The following JPH3 variants were observed in gnomAD, a reference collection of about 807,000 sequenced individuals.
JPH3 encodes the protein junctophilin-3.
Under a neutral mutation model 59.6 loss-of-function variants are expected in JPH3, and 11 were observed. The ratio of observed to expected loss-of-function variants is 0.18; its 90% CI spans 0.12 to 0.31. The LOEUF is 0.31. Among genes scored for constraint, JPH3 ranks in the 10% least tolerant of loss-of-function variants. The pLI, the probability that JPH3 is intolerant of heterozygous loss-of-function variation, is 1.00. For synonymous variants in JPH3, 673 were observed against 483.6 expected (o/e 1.39, Z -5.14); for missense variants, 1,202 against 1,105.7 (o/e 1.09, Z -1.24).
At chr16:87,689,621 G>C (rs748389018) in intron 3 of JPH3, 25 bp from the exon 4 acceptor site, 2 of 1,606,836 alleles carry the variant, frequency 1.2e-6, no homozygotes, top group African/African-American at 2.7e-5. Context: ...AACGCCGTCT[G>C]GCGTCGTCTT....
intron 2 of JPH3, among the ~76,000 whole-genome samples, chr16:87,681,627 G>T (rs1029212266): frequency 7.5e-5 from 11 of 147,242 alleles, no homozygotes; most frequent in Non-Finnish European, 1.3e-4. Flanking sequence ...GGTCAGGTGC[G>T]CGCGGTCGTG....
intron 2 of JPH3, among the ~76,000 whole-genome samples, chr16:87,649,950 G>T (rs1023281450): frequency 6.6e-6 from 1 of 152,232 alleles, no homozygotes; most frequent in African/African-American, 2.4e-5. Flanking sequence ...GCTGCGTCTC[G>T]TGCAAACGTT....
intron 1 of JPH3, chr16:87,604,324 C>T: frequency 6.8e-7 from 1 of 1,465,998 alleles, no homozygotes; most frequent in South Asian, 1.2e-5. Context: ...GCTGCTGCTG[C>T]TGCTGTAAGA....
At chr16:87,606,049 G>C (rs1405803366) in intron 1 of JPH3, among the ~76,000 whole-genome samples, 1 of 152,212 alleles carries the variant, frequency 6.6e-6, no homozygotes, top group East Asian at 1.9e-4. Context: ...TGTTGGGAAG[G>C]GGGTGATTAT....
At chr16:87,616,695 A>T (rs2030983812) in intron 1 of JPH3, among the ~76,000 whole-genome samples, 1 of 152,134 alleles carries the variant, frequency 6.6e-6, no homozygotes, top group African/African-American at 2.4e-5. Context: ...ACATGTCGGA[A>T]CCGGATATTG....
chr16:87,694,968 C>T (rs1358522482), intron 4 of JPH3: 4 of 286,854 alleles, frequency 1.4e-5, no homozygotes, highest in African/African-American at 8.8e-5. Context: ...ACAGCTGGCT[C>T]TGCTTCCACT....
chr16:87,690,265 C>G lies in JPH3; in HGVS notation c.1905C>G (p.Ala635=). 6.2e-7 allele frequency: 1 copy of G among 1,602,780 alleles called. No individual in the cohort carries two copies. Among genetic ancestry groups the G allele is most frequent in the Non-Finnish European group, 8.5e-7 (1 of 1,175,138 alleles). ...AAAGACGCTACAGCAAGGGCGGCGCCTGCCGGGGCTTGGGGGACGACCACC... is the reference window on the plus strand; with the variant it reads ...AAAGACGCTACAGCAAGGGCGGCGCGTGCCGGGGCTTGGGGGACGACCACC... ...PQKRRYSKGG[A]CRGLGDDHRP... The change falls in exon 4 of 5, where the codon GCC becomes GCG. Residue 635 remains alanine, a synonymous_variant. Coordinates refer to ENST00000284262, the MANE Select transcript of JPH3 (RefSeq NM_020655.4).
chr16:87,633,776 C>A (rs766793428), intron 1 of JPH3, among the ~76,000 whole-genome samples: 1 of 151,714 alleles, frequency 6.6e-6, no homozygotes, highest in East Asian at 1.9e-4. Flanking sequence ...CCAGCCTGGG[C>A]GACAGAATGA....
chr16:87,689,138 T>C (rs2033491271), intron 3 of JPH3, among the ~76,000 whole-genome samples: 1 of 152,068 alleles, frequency 6.6e-6, no homozygotes, highest in African/African-American at 2.4e-5. Context: ...GCTCCTGGGC[T>C]CTCACGCTGG....
rs139406020 is a variant in JPH3 at position 87,664,776 on chromosome 16, C to G, written c.1161-19366C>G. Among the ~76,000 whole-genome samples, 1,241 of 152,256 alleles carry G rather than the reference C, an allele frequency of 8.2e-3. 22 individuals are homozygous for G. Among genetic ancestry groups the G allele is most frequent in the African/African-American group, 0.028 (1,181 of 41,546 alleles). ...GGGGGTGTGGGTGTATGACCCACAG[C>G]TCACATGTGGAAACATGGAGGCCCC... On this transcript the variant is annotated intron_variant, in intron 2 of 4. Coordinates refer to ENST00000284262, the MANE Select transcript of JPH3 (RefSeq NM_020655.4).
intron 2 of JPH3, among the ~76,000 whole-genome samples, chr16:87,664,587 T>G (rs1181364482): frequency 6.6e-6 from 1 of 152,136 alleles, no homozygotes; most frequent in Non-Finnish European, 1.5e-5. Flanking sequence ...ATCGCGCCAT[T>G]GCACTCCAGC....
At chr16:87,632,702 A>G (rs1291911074) in intron 1 of JPH3, among the ~76,000 whole-genome samples, 1 of 152,170 alleles carries the variant, frequency 6.6e-6, no homozygotes. Flanking sequence ...ACACCAGCCT[A>G]GCCAACATGG....
Position 87,665,784 on chromosome 16 carries a change from C to G in JPH3, c.1161-18358C>G, listed in dbSNP as rs551234406. On this transcript the variant is annotated intron_variant, in intron 2 of 4. Coordinates refer to ENST00000284262, the MANE Select transcript of JPH3 (RefSeq NM_020655.4). ...CCCAGCCTCCTTCCCCAGCCCATCC[C>G]TCTCCCTCTTTGATGAGGCCGATGG... 2.4e-4 allele frequency among the ~76,000 whole-genome samples: 36 copies of G among 152,368 alleles called. No homozygotes were observed. The South Asian group carries it at 4.8e-3, about 20-fold the overall frequency.
At chr16:87,689,497 A>T in intron 3 of JPH3, 149 bp from the exon 4 acceptor site, 1 of 790,470 alleles carries the variant, frequency 1.3e-6, no homozygotes, top group Non-Finnish European at 2.0e-6. Context: ...CACGGTCCCC[A>T]CTCCCCTCCC....
At chr16:87,612,878 T>C (rs28527256) in intron 1 of JPH3, among the ~76,000 whole-genome samples, 146,079 of 151,530 alleles carry the variant, frequency 0.96, 70,636 homozygotes, top group East Asian at 1. Flanking sequence ...AAATATTAGC[T>C]GGGCTTGGTG....
chr16:87,637,824 C>G (rs2031806744), intron 1 of JPH3, among the ~76,000 whole-genome samples: 1 of 152,134 alleles, frequency 6.6e-6, no homozygotes, highest in Admixed American at 6.5e-5. Flanking sequence ...TGTTCCCATG[C>G]CGAGCTCCAG....
At chr16:87,626,513 C>T (rs568128962) in intron 1 of JPH3, among the ~76,000 whole-genome samples, 2 of 152,370 alleles carry the variant, frequency 1.3e-5, no homozygotes, top group Non-Finnish European at 2.9e-5. Context: ...GTGTGGGGGC[C>T]CCTGTGCCCA....
intron 1 of JPH3, among the ~76,000 whole-genome samples, chr16:87,634,380 C>T (rs1254911112): frequency 6.6e-6 from 1 of 152,158 alleles, no homozygotes; most frequent in East Asian, 1.9e-4. Flanking sequence ...TATGGGCCAG[C>T]CTGAGGGGTG....
intron 1 of JPH3, chr16:87,604,336 G>A: frequency 1.5e-6 from 2 of 1,361,504 alleles, no homozygotes; most frequent in South Asian, 1.2e-5. Flanking sequence ...GCTGTAAGAT[G>A]GTTTCTGTGC....
Sources: gnomAD v4.1 joint callset for allele counts (sites outside exome capture counted in the v4.1 genomes callset) on GRCh38, gnomAD v4.1.1 for gene constraint, MANE v1.5 for transcripts, NCBI Gene and HGNC (gene_info 2026-07-23, HGNC 2026-07-21) for gene names.